The following VIPR2 variants were observed in gnomAD, a reference collection of about 807,000 sequenced individuals.
VIPR2 encodes the protein vasoactive intestinal peptide receptor 2.
In VIPR2, 48 loss-of-function variants were observed where a neutral mutation model predicts 58.0. The observed-to-expected ratio is 0.83, with a 90% CI of 0.66 to 1.05. The LOEUF is 1.05. Ranked by LOEUF, VIPR2 falls within the 50% of genes least tolerant of loss-of-function variation. The probability of loss-of-function intolerance (pLI) is 0.00; values close to 1 mark genes in which losing one functional copy is unlikely to be tolerated. For missense variants in VIPR2, 534 were observed against 558.0 expected, an observed-to-expected ratio of 0.96 and a Z score of 0.43; for synonymous variants, 243 against 235.2, an observed-to-expected ratio of 1.03 and a Z score of -0.30.
chr7:159,098,047 C>T lies in VIPR2; in HGVS notation c.357+5710G>A, dbSNP rs1175311108. 6.6e-6 allele frequency among the ~76,000 whole-genome samples: 1 copy of T among 152,240 alleles called. No individual in the cohort carries two copies. Among genetic ancestry groups the T allele is most frequent in the East Asian group, 1.9e-4 (1 of 5,186 alleles). The stretch of plus-strand genomic sequence containing the variant: ...AGCTCCTCCGTGGCCTCTTGGAAGC[C>T]TGAGCCCTGCCGGGGCAAGCGGAAT... On this transcript the variant is annotated intron_variant, in intron 4 of 12. Coordinates refer to ENST00000262178, the MANE Select transcript of VIPR2 (RefSeq NM_003382.5). This position sits in a 1 kb window ranked among gnomAD's most constrained non-coding sequence, Gnocchi z 5.2.
At chr7:159,053,953 G>T (rs961633396) in intron 5 of VIPR2, among the ~76,000 whole-genome samples, 1 of 152,194 alleles carries the variant, frequency 6.6e-6, no homozygotes, top group Non-Finnish European at 1.5e-5. Flanking sequence ...AATAAAAAAG[G>T]GTTGATGGAC....
intron 4 of VIPR2, among the ~76,000 whole-genome samples, chr7:159,094,786 G>A (rs2129495495): frequency 6.6e-6 from 1 of 152,222 alleles, no homozygotes; most frequent in Non-Finnish European, 1.5e-5. Context: ...CAAGTTAGAG[G>A]GAGAACTTAT....
rs1857920264 is a variant in VIPR2, at chr7:159,097,300, G to A, written c.357+6457C>T. 1 of 1,317,868 alleles carries A rather than the reference G, an allele frequency of 7.6e-7. No individual in the cohort carries two copies. Among genetic ancestry groups the A allele is most frequent in the African/African-American group, 1.5e-5 (1 of 68,302 alleles). 81.6% of individuals were successfully genotyped at this position (1,317,868 alleles called of 1,614,324 possible). A position where few individuals can be genotyped will look rare whatever the true frequency, so the allele number is the denominator to read the frequency against. On this transcript the variant is annotated intron_variant, in intron 4 of 12. Transcript: ENST00000262178. The surrounding 1 kb of genome is among the most constrained non-coding windows in gnomAD (Gnocchi z 5.3). ...GTGGCGTAACACGGAAGAAATGTGT[G>A]CACTTGAAGCATGGGGAGGCCGAAA... is the stretch of plus-strand genomic sequence containing the variant.
At chr7:159,046,281 C>G (rs1854645722) in intron 5 of VIPR2, among the ~76,000 whole-genome samples, 1 of 152,142 alleles carries the variant, frequency 6.6e-6, no homozygotes, top group African/African-American at 2.4e-5. Flanking sequence ...CATGGCAGCT[C>G]TATTCACAAC....
At chr7:159,121,163 C>T (rs1002773655) in intron 2 of VIPR2, among the ~76,000 whole-genome samples, 11 of 152,038 alleles carry the variant, frequency 7.2e-5, no homozygotes, top group Non-Finnish European at 1.5e-4. Context: ...GCTCAGGAGA[C>T]CTGGGTGGTC....
In VIPR2 at chr7:159,142,559, A is replaced by G; in HGVS notation, c.52-14T>C. ...AATGCTGTTCACCTGTTCACGGTTA[A>G]AAGAAATATTAATAACTAAAAATTC... On this transcript the variant is annotated splice_polypyrimidine_tract_variant and intron_variant, in intron 1 of 12. Coordinates refer to ENST00000262178, the MANE Select transcript of VIPR2 (RefSeq NM_003382.5). 10 of 1,586,358 alleles carry G rather than the reference A, an allele frequency of 6.3e-6. No homozygotes were observed. The highest frequency in any genetic ancestry group is 6.9e-6 in the Non-Finnish European group (8 of 1,160,486).
At chr7:159,049,809 G>T (rs1854878673) in intron 5 of VIPR2, among the ~76,000 whole-genome samples, 1 of 152,178 alleles carries the variant, frequency 6.6e-6, no homozygotes, top group African/African-American at 2.4e-5. Flanking sequence ...GAATAGCTGT[G>T]GCCCAGAGTA....
At chr7:159,056,357 G>T (rs182046265) in intron 5 of VIPR2, among the ~76,000 whole-genome samples, 1 of 152,166 alleles carries the variant, frequency 6.6e-6, no homozygotes, top group African/African-American at 2.4e-5. Context: ...CTGAGAATAG[G>T]CCATACTTCT....
chr7:159,081,160 G>C (rs1252537897), intron 4 of VIPR2, among the ~76,000 whole-genome samples: 1 of 151,934 alleles, frequency 6.6e-6, no homozygotes, highest in African/African-American at 2.4e-5. Flanking sequence ...GCATTGCCAA[G>C]TCAATCCTAA....
intron 4 of VIPR2, chr7:159,059,273 A>C (rs1585383265): frequency 2.1e-6 from 1 of 471,148 alleles, no homozygotes; most frequent in South Asian, 1.5e-5. Context: ...TGCGATAAAA[A>C]CCAGCAACAC....
intron 4 of VIPR2, among the ~76,000 whole-genome samples, chr7:159,068,259 T>C (rs1585408339): frequency 6.6e-6 from 1 of 152,194 alleles, no homozygotes; most frequent in East Asian, 1.9e-4. Flanking sequence ...TTCTTGCCTT[T>C]GGGACTCAAG....
intron 5 of VIPR2, among the ~76,000 whole-genome samples, chr7:159,051,467 C>T (rs1002215864): frequency 1.3e-5 from 2 of 151,988 alleles, no homozygotes; most frequent in Non-Finnish European, 2.9e-5. Context: ...TCAAAAGAAA[C>T]AAGAATATGT....
At position 159,096,795 on chromosome 7, in the gene VIPR2, C is replaced by T; in HGVS notation, c.357+6962G>A. The T allele has an allele frequency of 7.0e-7, 1 of 1,429,410 alleles. No homozygotes were observed. Among genetic ancestry groups the T allele is most frequent in the Non-Finnish European group, 9.2e-7 (1 of 1,085,280 alleles). 88.5% of individuals were successfully genotyped at this position (1,429,410 alleles called of 1,614,324 possible). ...CCCTGCCTGAGGTCAGTCTCGTGGC[C>T]CCCGCAGCAGCCACAGGCCCAGCTC... On this transcript the variant is annotated intron_variant, in intron 4 of 12. Transcript: ENST00000262178. This position sits in a 1 kb window ranked among gnomAD's most constrained non-coding sequence, Gnocchi z 5.5.
At chr7:159,053,896 T>A (rs1855149111) in intron 5 of VIPR2, among the ~76,000 whole-genome samples, 1 of 152,274 alleles carries the variant, frequency 6.6e-6, no homozygotes, top group Non-Finnish European at 1.5e-5. Flanking sequence ...AGTTGATTTT[T>A]AAAATTCACA....
rs1200182100 is a variant in VIPR2, at chr7:159,093,952, G to C, written c.357+9805C>G. Among the ~76,000 whole-genome samples the C allele has an allele frequency of 6.6e-6, 1 of 152,224 alleles. No individual in the cohort carries two copies. Among genetic ancestry groups the C allele is most frequent in the Non-Finnish European group, 1.5e-5 (1 of 68,036 alleles). On this transcript the variant is annotated intron_variant, in intron 4 of 12. Coordinates refer to ENST00000262178, the MANE Select transcript of VIPR2 (RefSeq NM_003382.5). This position sits in a 1 kb window ranked among gnomAD's most constrained non-coding sequence, Gnocchi z 6.7. The stretch of plus-strand genomic sequence containing the variant: ...TGGTCATGTCTGCGTGATGGAAAGG[G>C]AGCAGGAAGCTGAAGGGTAGGATGG...
At chr7:159,036,368 C>T (rs1178473839) in intron 7 of VIPR2, among the ~76,000 whole-genome samples, 1 of 152,090 alleles carries the variant, frequency 6.6e-6, no homozygotes, top group East Asian at 1.9e-4. Context: ...ATGAGGATGT[C>T]CCAAATTTGC....
chr7:159,136,931 G>A (rs565161888), intron 2 of VIPR2, among the ~76,000 whole-genome samples: 1 of 152,284 alleles, frequency 6.6e-6, no homozygotes, highest in East Asian at 1.9e-4. Context: ...CTGGGGAGGA[G>A]GAGGCAGGTG....
At chr7:159,057,987 G>C (rs886674113) in intron 5 of VIPR2, among the ~76,000 whole-genome samples, 3 of 152,156 alleles carry the variant, frequency 2.0e-5, no homozygotes, top group African/African-American at 7.2e-5. Context: ...ACAGCCCTCT[G>C]AAGGGGGCTT....
chr7:159,054,932 T>C lies in VIPR2; in HGVS notation c.455+3549A>G, dbSNP rs149701290. Among the ~76,000 whole-genome samples, 56 of 152,266 alleles carry C rather than the reference T, an allele frequency of 3.7e-4. No homozygotes were observed. The East Asian group carries it at 0.011, about 29-fold the overall frequency. On this transcript the variant is annotated intron_variant, in intron 5 of 12. Transcript: ENST00000262178. ...ATGTATAGCCTATGACCAGTAAATA[T>C]AAGATAAACACAAATGTAAATATAA...
Sources: allele counts gnomAD v4.1 joint callset (sites outside exome capture counted in the v4.1 genomes callset), GRCh38; gene constraint gnomAD v4.1.1; non-coding constraint Gnocchi (gnomAD v3.1); transcripts MANE v1.5; gene names NCBI Gene and HGNC (gene_info 2026-07-23, HGNC 2026-07-21).